The following PDE7B variants were observed in gnomAD, a reference collection of about 807,000 sequenced individuals.
The protein encoded by PDE7B is phosphodiesterase 7B.
Under a neutral mutation model 56.2 loss-of-function variants are expected in PDE7B, and 29 were observed. The observed-to-expected ratio is 0.52, with a 90% confidence interval of 0.38 to 0.70. The LOEUF (loss-of-function observed/expected upper bound fraction) is 0.70, where lower values mean the gene tolerates loss of function less well. PDE7B is among the 30% of genes least tolerant of loss of function. PDE7B has a pLI of 0.00. For synonymous variants in PDE7B, 197 were observed against 196.9 expected, an observed-to-expected ratio of 1.00 and a Z score of 0.00; for missense variants, 490 against 565.0, an observed-to-expected ratio of 0.87 and a Z score of 1.35.
intron 12 of PDE7B, among the ~76,000 whole-genome samples, chr6:136,189,548 G>A (rs1000814704): frequency 3.9e-5 from 6 of 152,188 alleles, no homozygotes; most frequent in Admixed American, 3.3e-4. Flanking sequence ...TCCAGCCTGG[G>A]CGACAGGGTG....
intron 2 of PDE7B, among the ~76,000 whole-genome samples, chr6:135,950,986 T>C (rs577595625): frequency 6.6e-6 from 1 of 152,268 alleles, no homozygotes; most frequent in African/African-American, 2.4e-5. Context: ...TTGCAGGGAA[T>C]TATTTCTGGC....
At position 136,162,854 on chromosome 6, in the gene PDE7B, A is replaced by G. The variant is rs547435954; in HGVS notation, c.711+7096A>G. 6.2e-4 allele frequency among the ~76,000 whole-genome samples: 95 copies of G among 152,332 alleles called. 1 individual carries two copies. In the South Asian group the frequency reaches 0.018, roughly 29 times the overall value. ...CCAATAGGGCAGTCATTAAACCTTC[A>G]AGTTCCAAAATGATCTCCTTTGACT... On this transcript the variant is annotated intron_variant, in intron 8 of 12. Coordinates refer to ENST00000308191, the MANE Select transcript of PDE7B (RefSeq NM_018945.4).
At chr6:135,882,233 G>A (rs564594418) in intron 1 of PDE7B, among the ~76,000 whole-genome samples, 8 of 152,058 alleles carry the variant, frequency 5.3e-5, no homozygotes, top group Non-Finnish European at 1.0e-4. Context: ...ATTACCATGT[G>A]GTGTGACCCC....
intron 2 of PDE7B, among the ~76,000 whole-genome samples, chr6:136,093,211 A>G (rs549230175): frequency 1.3e-5 from 2 of 152,324 alleles, no homozygotes; most frequent in African/African-American, 4.8e-5. Context: ...TGTTTAATGC[A>G]CAGTGGAGGT....
chr6:135,915,457 A>C (rs1042555807), intron 1 of PDE7B, among the ~76,000 whole-genome samples: 1 of 152,210 alleles, frequency 6.6e-6, no homozygotes, highest in Non-Finnish European at 1.5e-5. Flanking sequence ...TGATGTTGTC[A>C]ATCTTTTTAA....
intron 1 of PDE7B, among the ~76,000 whole-genome samples, chr6:135,943,296 G>T (rs1255060749): frequency 6.6e-6 from 1 of 152,134 alleles, no homozygotes; most frequent in African/African-American, 2.4e-5. Context: ...AGGCAGATTT[G>T]CAAAACTAAA....
chr6:135,888,767 A>G lies in PDE7B; in HGVS notation c.21+36748A>G, dbSNP rs532799142. Among the ~76,000 whole-genome samples the G allele has an allele frequency of 1.1e-4, 16 of 152,166 alleles. No individual in the cohort carries two copies. In the South Asian group the frequency reaches 3.1e-3, roughly 30 times the overall value. ...AAGAAGAACAACTAATGTCAACAGTAGGTGTAGTAGTTTTGGTTTTCTGTG... is the reference window on the plus strand; with the variant it reads ...AAGAAGAACAACTAATGTCAACAGTGGGTGTAGTAGTTTTGGTTTTCTGTG... On this transcript the variant is annotated intron_variant, in intron 1 of 12. Transcript: ENST00000308191.
chr6:136,090,455 TTC>T (rs1329284579), intron 2 of PDE7B, among the ~76,000 whole-genome samples: 3 of 152,242 alleles, frequency 2.0e-5, no homozygotes, highest in Non-Finnish European at 2.9e-5. Flanking sequence ...ACCTGGTTTT[TTC>T]TTTTTCAGAA....
chr6:135,943,785 G>C (rs944011071), intron 1 of PDE7B, among the ~76,000 whole-genome samples: 1 of 152,128 alleles, frequency 6.6e-6, no homozygotes, highest in African/African-American at 2.4e-5. Flanking sequence ...ACAATAATGA[G>C]GCATGTTAGG....
At chr6:135,881,007 G>C (rs1775598777) in intron 1 of PDE7B, among the ~76,000 whole-genome samples, 1 of 152,150 alleles carries the variant, frequency 6.6e-6, no homozygotes, top group African/African-American at 2.4e-5. Flanking sequence ...GACCAGGTAT[G>C]AAGTTCGCAC....
At chr6:135,959,284 A>G (rs1222202147) in intron 2 of PDE7B, among the ~76,000 whole-genome samples, 2 of 152,322 alleles carry the variant, frequency 1.3e-5, no homozygotes, top group South Asian at 2.1e-4. Flanking sequence ...ATAATCATAT[A>G]CTACAAATCT....
intron 8 of PDE7B, among the ~76,000 whole-genome samples, chr6:136,157,206 T>C (rs1030919792): frequency 5.9e-5 from 9 of 152,210 alleles, no homozygotes; most frequent in African/African-American, 1.7e-4. Flanking sequence ...CTGAAATTCA[T>C]ATTGATCACC....
intron 1 of PDE7B, among the ~76,000 whole-genome samples, chr6:135,861,082 A>G (rs952555407): frequency 1.3e-5 from 2 of 152,028 alleles, no homozygotes; most frequent in East Asian, 1.9e-4. Flanking sequence ...TCATTGTTGC[A>G]TGATGTTTAA....
chr6:135,962,751 A>AC (rs764220619), intron 2 of PDE7B, among the ~76,000 whole-genome samples: 1 of 152,184 alleles, frequency 6.6e-6, no homozygotes, highest in African/African-American at 2.4e-5. Context: ...GCTGCATCTT[A>AC]GAGTTGAGTC....
At chr6:136,053,449 A>T (rs6922418) in intron 2 of PDE7B, among the ~76,000 whole-genome samples, 151,017 of 151,890 alleles carry the variant, frequency 0.99, 75,076 homozygotes, top group East Asian at 1. Flanking sequence ...TTCTTAATCC[A>T]GTCTATCATT....
intron 6 of PDE7B, among the ~76,000 whole-genome samples, chr6:136,152,032 CT>C (rs1225688314): frequency 2.0e-5 from 3 of 152,118 alleles, no homozygotes; most frequent in African/African-American, 7.2e-5. Context: ...GCTCTTCATC[CT>C]TGTCATCTTC....
chr6:135,916,207 A>G (rs1324799084), intron 1 of PDE7B, among the ~76,000 whole-genome samples: 2 of 151,980 alleles, frequency 1.3e-5, no homozygotes, highest in Middle Eastern at 3.4e-3. Context: ...GTGCTGCCAC[A>G]GTTTCTTCTG....
intron 1 of PDE7B, among the ~76,000 whole-genome samples, chr6:135,908,000 T>A (rs1776145484): frequency 6.6e-6 from 1 of 152,196 alleles, no homozygotes; most frequent in South Asian, 2.1e-4. Context: ...TAGGAGATAT[T>A]ATTTCATATT....
At chr6:136,007,141 G>A (rs532348854) in intron 2 of PDE7B, among the ~76,000 whole-genome samples, 15 of 152,168 alleles carry the variant, frequency 9.9e-5, no homozygotes, top group Non-Finnish European at 1.6e-4. Flanking sequence ...TTTATCAAAA[G>A]CCTTTTCTGC....
Sources: gnomAD v4.1 joint callset for allele counts (sites outside exome capture counted in the v4.1 genomes callset) on GRCh38, gnomAD v4.1.1 for gene constraint, MANE v1.5 for transcripts, NCBI Gene and HGNC (gene_info 2026-07-23, HGNC 2026-07-21) for gene names.